ZFHX4: variants seen among roughly 807,000 people sequenced by gnomAD.
ZFHX4 encodes zinc finger homeobox protein 4.
A neutral mutation model predicts 267.6 loss-of-function variants in ZFHX4; 56 were observed. The ratio of observed to expected loss-of-function variants is 0.21; its 90% confidence interval spans 0.17 to 0.26. The LOEUF (loss-of-function observed/expected upper bound fraction) is 0.26. ZFHX4 is among the 10% of genes least tolerant of loss of function. ZFHX4 has a pLI of 1.00. For missense variants in ZFHX4, 4,332 were observed against 4,420.0 expected, an observed-to-expected ratio of 0.98 and a Z score of 0.56; for synonymous variants, 1,778 against 1,665.6, an observed-to-expected ratio of 1.07 and a Z score of -1.64.
chr8:76,757,616 G>T (rs944817225), intron 3 of ZFHX4, among the ~76,000 whole-genome samples: 4 of 152,168 alleles, frequency 2.6e-5, no homozygotes, highest in African/African-American at 4.8e-5. Context: ...CACCCCAACC[G>T]CTCTCCCTTG....
At chr8:76,818,825 G>A (rs548994838) in intron 4 of ZFHX4, among the ~76,000 whole-genome samples, 7 of 152,128 alleles carry the variant, frequency 4.6e-5, no homozygotes, top group Non-Finnish European at 8.8e-5. Flanking sequence ...CAGGAGGCAG[G>A]AGGATCCACT....
chr8:76,838,886 C>T (rs1438476612), intron 5 of ZFHX4, among the ~76,000 whole-genome samples: 1 of 152,036 alleles, frequency 6.6e-6, no homozygotes, highest in Non-Finnish European at 1.5e-5. Context: ...GAGACCTCGT[C>T]TCTACTAAAA....
At chr8:76,760,459 G>A (rs1809879815) in intron 3 of ZFHX4, among the ~76,000 whole-genome samples, 1 of 152,120 alleles carries the variant, frequency 6.6e-6, no homozygotes, top group Non-Finnish European at 1.5e-5. Flanking sequence ...TTTGAGAGTA[G>A]AGACAAATAC....
intron 4 of ZFHX4, among the ~76,000 whole-genome samples, chr8:76,827,389 C>A (rs1025508290): frequency 2.6e-5 from 4 of 152,148 alleles, no homozygotes; most frequent in Non-Finnish European, 4.4e-5. Flanking sequence ...AGCCACGGAC[C>A]AGGAGCGAGC....
chr8:76,705,872 C>A lies in ZFHX4; in HGVS notation c.1784C>A (p.Pro595Gln). ...SATPHQHGFT[P>Q]STPGTPGPGG... ...ACTCCTCACCAGCATGGCTTTACCCCGAGTACTCCTGGCACACCAGGGCCT... is the reference window on the plus strand; with the variant it reads ...ACTCCTCACCAGCATGGCTTTACCCAGAGTACTCCTGGCACACCAGGGCCT... The change falls in exon 2 of 11, where the codon CCG becomes CAG. Residue 595 changes from proline (P) to glutamine (Q), a missense_variant. Coordinates refer to ENST00000651372, the MANE Select transcript of ZFHX4 (RefSeq NM_024721.5). The A allele has an allele frequency of 6.2e-7, 1 of 1,613,750 alleles. No individual in the cohort carries two copies. Among genetic ancestry groups the A allele is most frequent in the Non-Finnish European group, 8.5e-7 (1 of 1,179,870 alleles).
At chr8:76,699,310 C>A (rs923982372) in intron 1 of ZFHX4, among the ~76,000 whole-genome samples, 3 of 152,102 alleles carry the variant, frequency 2.0e-5, no homozygotes, top group Admixed American at 6.6e-5. Context: ...GGATTTGAAA[C>A]CTTTTCACTT....
intron 4 of ZFHX4, chr8:76,782,013 T>G (rs899619776): frequency 9.8e-6 from 3 of 306,690 alleles, no homozygotes; most frequent in African/African-American, 6.5e-5. Context: ...AACATTTTAT[T>G]CCATTTCCAT....
At position 76,781,729 on chromosome 8, in the gene ZFHX4, T is replaced by C. The variant is rs965702343; in HGVS notation, c.3325+3290T>C. On this transcript the variant is annotated intron_variant, in intron 4 of 10. Transcript: ENST00000651372. ...ATAAAATATTTCTACTGGCATTTCC[T>C]TACTACTTAGCAGCTGTTACAACTG... 8.1e-4 allele frequency among the ~76,000 whole-genome samples: 123 copies of C among 152,102 alleles called. 4 individuals carry two copies. The highest frequency in any genetic ancestry group is 8.1e-3 in the Admixed American group (123 of 15,254).
chr8:76,801,659 G>A (rs1044560545), intron 4 of ZFHX4, among the ~76,000 whole-genome samples: 5 of 152,044 alleles, frequency 3.3e-5, no homozygotes, highest in South Asian at 2.1e-4. Flanking sequence ...TAATAACCAC[G>A]TACTTTCATT....
chr8:76,777,116 A>G (rs149568936), intron 3 of ZFHX4, among the ~76,000 whole-genome samples: 1 of 152,344 alleles, frequency 6.6e-6, no homozygotes, highest in East Asian at 1.9e-4. Flanking sequence ...TAAAACTCAC[A>G]TAGTTTATAT....
chr8:76,737,028 C>T (rs1007649755), intron 3 of ZFHX4, among the ~76,000 whole-genome samples: 1 of 152,116 alleles, frequency 6.6e-6, no homozygotes, highest in African/African-American at 2.4e-5. Flanking sequence ...CCAGTAAATA[C>T]ACAGTTGCTT....
intron 4 of ZFHX4, among the ~76,000 whole-genome samples, chr8:76,801,824 T>C (rs749024448): frequency 6.6e-6 from 1 of 152,196 alleles, no homozygotes; most frequent in Non-Finnish European, 1.5e-5. Flanking sequence ...AATGAATTTA[T>C]GAGTCAAAAA....
chr8:76,714,792 A>G (rs918176346), intron 3 of ZFHX4, among the ~76,000 whole-genome samples: 1 of 152,198 alleles, frequency 6.6e-6, no homozygotes, highest in African/African-American at 2.4e-5. Flanking sequence ...GCTCAGAGAC[A>G]AAGAGTTTTC....
intron 3 of ZFHX4, among the ~76,000 whole-genome samples, chr8:76,749,743 G>A (rs1809565435): frequency 6.6e-6 from 1 of 152,086 alleles, no homozygotes. Flanking sequence ...CCCAATACAT[G>A]TTGTTTATCT....
rs762836534 is a variant in ZFHX4 at position 76,856,041 on chromosome 8, C to A, written c.9120C>A (p.Gly3040=). 1.2e-6 allele frequency: 2 copies of A among 1,613,982 alleles called. No individual in the cohort carries two copies. Among genetic ancestry groups the A allele is most frequent in the Admixed American group, 3.3e-5 (2 of 60,024 alleles). The stretch of plus-strand genomic sequence containing the variant: ...TTTCAAAAGTGAGGGAGACCGTTGG[C>A]AGTCAGCTCGATCGGGAGAAAGATT... The part of the protein sequence containing the change: ...QHISKVRETV[G]SQLDREKDYL... The change falls in exon 10 of 11, where the codon GGC becomes GGA. Residue 3040 remains glycine, a synonymous_variant. Coordinates refer to ENST00000651372, the MANE Select transcript of ZFHX4 (RefSeq NM_024721.5).
rs140302375 is a variant in ZFHX4 at position 76,791,509 on chromosome 8, A to G, written c.3325+13070A>G. Among the ~76,000 whole-genome samples the G allele has an allele frequency of 2.5e-3, 388 of 152,302 alleles. 2 individuals are homozygous for G. Among genetic ancestry groups the G allele is most frequent in the African/African-American group, 8.9e-3 (369 of 41,574 alleles). On this transcript the variant is annotated intron_variant, in intron 4 of 10. Coordinates refer to ENST00000651372, the MANE Select transcript of ZFHX4 (RefSeq NM_024721.5). ...GATATTAATATCATATTGGCATACC[A>G]AATTTGAGAACATATTTTTATGCCT...
chr8:76,798,603 C>T (rs1320507776), intron 4 of ZFHX4, among the ~76,000 whole-genome samples: 1 of 152,128 alleles, frequency 6.6e-6, no homozygotes, highest in African/African-American at 2.4e-5. Flanking sequence ...AAATTCATTG[C>T]TCATGGCAAG....
At chr8:76,827,817 A>G (rs954332494) in intron 4 of ZFHX4, among the ~76,000 whole-genome samples, 8 of 152,192 alleles carry the variant, frequency 5.3e-5, no homozygotes, top group African/African-American at 1.4e-4. Flanking sequence ...CTGGGTAAAA[A>G]CAGACAGGGC....
At chr8:76,684,941 T>G (rs563366605) in intron 1 of ZFHX4, among the ~76,000 whole-genome samples, 1 of 152,318 alleles carries the variant, frequency 6.6e-6, no homozygotes, top group East Asian at 1.9e-4. Context: ...TTTGATTATC[T>G]CTAATAACAA....
Sources: gnomAD v4.1 joint callset for allele counts (sites outside exome capture counted in the v4.1 genomes callset) on GRCh38, gnomAD v4.1.1 for gene constraint, MANE v1.5 for transcripts, NCBI Gene and HGNC (gene_info 2026-07-23, HGNC 2026-07-21) for gene names.